TAFA2: variants seen among roughly 807,000 people sequenced by gnomAD.
The protein encoded by TAFA2 is chemokine-like protein TAFA-2.
Under a neutral mutation model 18.8 loss-of-function variants are expected in TAFA2, and 7 were observed. That is an observed-to-expected ratio of 0.37 (90% CI 0.21 to 0.70). TAFA2 has a LOEUF of 0.70. TAFA2 is among the 30% of genes least tolerant of loss of function. The probability of loss-of-function intolerance (pLI) is 0.53; values close to 1 mark genes in which losing one functional copy is unlikely to be tolerated. For synonymous variants in TAFA2, 60 were observed against 54.2 expected (o/e 1.11, Z -0.47); for missense variants, 122 against 158.1 (o/e 0.77, Z 1.23).
At chr12:62,210,115 G>C (rs2062707520) in intron 1 of TAFA2, among the ~76,000 whole-genome samples, 1 of 152,016 alleles carries the variant, frequency 6.6e-6, no homozygotes, top group Admixed American at 6.6e-5. Flanking sequence ...GAACCCAGGA[G>C]GCGGAGCTTG....
chr12:62,094,166 A>G (rs1049404928), intron 1 of TAFA2, among the ~76,000 whole-genome samples: 2 of 152,126 alleles, frequency 1.3e-5, no homozygotes, highest in African/African-American at 2.4e-5. Context: ...CTTCAAAAAT[A>G]TCTGTATAAT....
chr12:61,942,395 C>G (rs1878072291), intron 1 of TAFA2, among the ~76,000 whole-genome samples: 1 of 151,626 alleles, frequency 6.6e-6, no homozygotes, highest in East Asian at 1.9e-4. Context: ...ACGCAGAGAG[C>G]CTCTCCTCCT....
At chr12:62,178,909 T>C (rs2103350) in intron 1 of TAFA2, among the ~76,000 whole-genome samples, 52 of 152,224 alleles carry the variant, frequency 3.4e-4, no homozygotes, top group African/African-American at 1.2e-3. Context: ...TTGTAGAGAA[T>C]CAGGTTTTGA....
At chr12:62,251,396 G>A (rs2062913125) in intron 1 of TAFA2, among the ~76,000 whole-genome samples, 1 of 152,072 alleles carries the variant, frequency 6.6e-6, no homozygotes, top group African/African-American at 2.4e-5. Context: ...AGAATTGAGA[G>A]GAAATAGAGA....
rs906058874 is a variant in TAFA2, at chr12:61,813,257, G to A, written c.106+54063C>T. On this transcript the variant is annotated intron_variant, in intron 2 of 4. Transcript: ENST00000416284. ...GCACTCCTTGGATTATCAGTAGTAAGTTGAGCTTTTTCCATACTTTTCATA... is the reference window on the plus strand; with the variant it reads ...GCACTCCTTGGATTATCAGTAGTAAATTGAGCTTTTTCCATACTTTTCATA... Among the ~76,000 whole-genome samples the A allele has an allele frequency of 5.9e-5, 9 of 151,334 alleles. 1 individual carries two copies. Among genetic ancestry groups the A allele is most frequent in the Admixed American group, 5.9e-4 (9 of 15,240 alleles).
intron 2 of TAFA2, among the ~76,000 whole-genome samples, chr12:61,826,344 G>A (rs1872536707): frequency 6.6e-6 from 1 of 151,648 alleles, no homozygotes; most frequent in African/African-American, 2.4e-5. Context: ...TCATCTGTGT[G>A]TGTGTGTGTG....
At chr12:62,198,894 TAAGTC>T (rs2062659957) in intron 1 of TAFA2, among the ~76,000 whole-genome samples, 1 of 152,182 alleles carries the variant, frequency 6.6e-6, no homozygotes, top group African/African-American at 2.4e-5. Context: ...GCCATGGAGA[TAAGTC>T]AAGAAGACCA....
chr12:62,202,275 T>C (rs1253417849), intron 1 of TAFA2, among the ~76,000 whole-genome samples: 1 of 152,106 alleles, frequency 6.6e-6, no homozygotes, highest in African/African-American at 2.4e-5. Flanking sequence ...TGTCTTCTGC[T>C]AGCTTTGGGG....
intron 2 of TAFA2, among the ~76,000 whole-genome samples, chr12:61,765,518 A>G (rs1019038009): frequency 6.6e-6 from 1 of 152,126 alleles, no homozygotes; most frequent in African/African-American, 2.4e-5. Flanking sequence ...GTGCAGCTCA[A>G]GTGCTTCTTA....
intron 1 of TAFA2, among the ~76,000 whole-genome samples, chr12:62,230,876 A>G (rs2062809343): frequency 6.6e-6 from 1 of 152,272 alleles, no homozygotes; most frequent in Middle Eastern, 3.4e-3. Context: ...AGGTATCACT[A>G]TGTTACACAG....
chr12:61,755,959 T>G (rs754550813), intron 2 of TAFA2, among the ~76,000 whole-genome samples: 2 of 152,108 alleles, frequency 1.3e-5, no homozygotes, highest in Non-Finnish European at 2.9e-5. Flanking sequence ...ATGCTTTCAG[T>G]AATTTTAAAA....
intron 1 of TAFA2, among the ~76,000 whole-genome samples, chr12:62,057,475 C>T (rs1490112775): frequency 1.3e-5 from 2 of 151,948 alleles, no homozygotes; most frequent in South Asian, 2.1e-4. Context: ...AGGGTTTATT[C>T]CTACTGTATT....
intron 1 of TAFA2, among the ~76,000 whole-genome samples, chr12:62,103,913 T>C (rs1382504537): frequency 3.3e-5 from 5 of 152,168 alleles, no homozygotes; most frequent in Admixed American, 2.0e-4. Context: ...GAGTTAGGGA[T>C]GAAACTCCAT....
intron 1 of TAFA2, among the ~76,000 whole-genome samples, chr12:62,005,031 G>A (rs977600733): frequency 6.6e-6 from 1 of 152,008 alleles, no homozygotes; most frequent in Non-Finnish European, 1.5e-5. Flanking sequence ...GGGTGAGGGG[G>A]GTAAACTACA....
In TAFA2 at chr12:61,782,245, G is replaced by A. The variant is rs148174304; in HGVS notation, c.107-27221C>T. Among the ~76,000 whole-genome samples the A allele has an allele frequency of 3.8e-3, 576 of 151,610 alleles. 6 individuals carry two copies. Among genetic ancestry groups the A allele is most frequent in the African/African-American group, 0.013 (544 of 41,404 alleles). ...GAGCCAAACATGGTTCGTTATACCC[G>A]CCTCCCTTTGGAATTACTGATAAAG... On this transcript the variant is annotated intron_variant, in intron 2 of 4. Coordinates refer to ENST00000416284, the MANE Select transcript of TAFA2 (RefSeq NM_178539.5).
chr12:61,749,486 T>C (rs1362308560), intron 4 of TAFA2, among the ~76,000 whole-genome samples: 1 of 152,126 alleles, frequency 6.6e-6, no homozygotes, highest in African/African-American at 2.4e-5. Flanking sequence ...TTTGCTTTTG[T>C]TGTTTTAATT....
intron 2 of TAFA2, among the ~76,000 whole-genome samples, chr12:61,806,586 G>A (rs1257932472): frequency 6.6e-6 from 1 of 152,196 alleles, no homozygotes; most frequent in Non-Finnish European, 1.5e-5. Flanking sequence ...TAACAGCACG[G>A]GGTAGAATTG....
rs1366796140 is a variant in TAFA2 at position 62,192,771 on chromosome 12, C to A, written c.-1514G>T. The A allele has an allele frequency of 6.6e-6, 1 of 152,180 alleles. No individual in the cohort carries two copies. The allele number at this position is 152,180 out of a possible 1,614,324, so 9.4% of individuals were successfully genotyped here. ...CAGTTCTGTTAGCCCCAGCAACTGC[C>A]GTTGAGAGCAAACAACGGTCCTGCA... On this transcript the variant is annotated 5_prime_UTR_variant, in exon 1 of 5. Transcript: ENST00000416284.
intron 1 of TAFA2, among the ~76,000 whole-genome samples, chr12:62,232,049 G>A (rs2062813860): frequency 6.6e-6 from 1 of 151,950 alleles, no homozygotes; most frequent in Non-Finnish European, 1.5e-5. Context: ...CCTTCCCAAT[G>A]TGAGTGCATT....
Sources: gnomAD v4.1 joint callset for allele counts (sites outside exome capture counted in the v4.1 genomes callset) on GRCh38, gnomAD v4.1.1 for gene constraint, MANE v1.5 for transcripts, NCBI Gene and HGNC (gene_info 2026-07-23, HGNC 2026-07-21) for gene names.